Variants in AEBP1 observed in about 807,000 individuals in gnomAD.
AEBP1 encodes adipocyte enhancer-binding protein 1.
Under a neutral mutation model 116.5 loss-of-function variants are expected in AEBP1, and 69 were observed. The ratio of observed to expected loss-of-function variants is 0.59; its 90% CI spans 0.49 to 0.72. The LOEUF is 0.72. Among genes scored for constraint, AEBP1 ranks in the 30% least tolerant of loss-of-function variants. The probability of loss-of-function intolerance (pLI) is 0.00; values close to 1 mark genes in which losing one functional copy is unlikely to be tolerated. For synonymous variants in AEBP1, 627 were observed against 627.3 expected (o/e 1.00, Z 0.01); for missense variants, 1,444 against 1,557.5 (o/e 0.93, Z 1.23).
rs79538975 is a variant in AEBP1 at position 44,105,511 on chromosome 7, C to T, written c.253+593C>T. Among the ~76,000 whole-genome samples, 610 of 152,284 alleles carry T rather than the reference C, an allele frequency of 4.0e-3. 2 individuals are homozygous for T. Among genetic ancestry groups the T allele is most frequent in the African/African-American group, 0.014 (573 of 41,544 alleles). ...GTCAGTAAATCTTAGCTGTTTTCAT[C>T]GTGGCCCTCTGGAAGGTGGCAGAGG... On this transcript the variant is annotated intron_variant, in intron 1 of 20. Coordinates refer to ENST00000223357, the MANE Select transcript of AEBP1 (RefSeq NM_001129.5).
chr7:44,110,730 A>G lies in AEBP1; in HGVS notation c.1406A>G (p.Asp469Gly), dbSNP rs1380674144. The G allele has an allele frequency of 6.6e-7, 1 of 1,522,608 alleles. No homozygotes were observed. Among genetic ancestry groups the G allele is most frequent in the Non-Finnish European group, 8.8e-7 (1 of 1,134,354 alleles). The allele number at this position is 1,522,608 out of a possible 1,614,324, so 94.3% of individuals were successfully genotyped here. A position where few individuals can be genotyped will look rare whatever the true frequency, so the allele number is the denominator to read the frequency against. Reference protein sequence around the residue: ...TQGRDSSIHDDFVTTFFVGFS... With the variant: ...TQGRDSSIHDGFVTTFFVGFS... ...GACCACTGTCCACTCCACAGTGACG[A>G]TTTTGTGACCACCTTCTTCGTGGGC... The change falls in exon 12 of 21, where the codon GAT becomes GGT. Residue 469 changes from aspartate to glycine, a missense_variant. Physicochemically the swap from Asp to Gly is moderately conservative, Grantham distance 94. Transcript: ENST00000223357.
In AEBP1 at chr7:44,112,334, C is replaced by T. The variant is rs529584501; in HGVS notation, c.2217+13C>T. 1 of 1,533,536 alleles carries T rather than the reference C, an allele frequency of 6.5e-7. No homozygotes were observed. The highest frequency in any genetic ancestry group is 2.3e-5 in the East Asian group (1 of 44,018). 95.0% of individuals were successfully genotyped at this position (1,533,536 alleles called of 1,614,324 possible). A position where few individuals can be genotyped will look rare whatever the true frequency, so the allele number is the denominator to read the frequency against. ...GCCAGATGCCACGGTGAGGCTACAGCCTGGCTGAAAGGGCAGGAGGGAGCA... is the reference window on the plus strand; with the variant it reads ...GCCAGATGCCACGGTGAGGCTACAGTCTGGCTGAAAGGGCAGGAGGGAGCA... On this transcript the variant is annotated intron_variant, in intron 17 of 20. Coordinates refer to ENST00000223357, the MANE Select transcript of AEBP1 (RefSeq NM_001129.5). The surrounding 1 kb of genome is among the most constrained non-coding windows in gnomAD (Gnocchi z 6.6).
In AEBP1 at chr7:44,108,037, T is replaced by C; in HGVS notation, c.893T>C (p.Leu298Pro). ...EPPVKPLLPP[L>P]PPDYGDGYVI... ...CCTGTGAAGCCTCTGCTGCCCCCGC[T>C]GCCCCCTGACTATGGTGATGGTTAC... Residue 298 changes from leucine to proline, a missense_variant, in exon 6 of 21, where the codon CTG becomes CCG. Physicochemically the swap from Leu to Pro is moderately conservative, Grantham distance 98. Transcript: ENST00000223357. This position sits in a 1 kb window ranked among gnomAD's most constrained non-coding sequence, Gnocchi z 5.0. 1.3e-6 allele frequency: 2 copies of C among 1,597,646 alleles called. No individual in the cohort carries two copies. The highest frequency in any genetic ancestry group is 2.3e-5 in the South Asian group (2 of 88,634).
chr7:44,113,893 C>A lies in AEBP1; in HGVS notation c.3109C>A (p.Arg1037Ser), dbSNP rs756077372. ...LRLRAQMRLR[R>S]LNATTTLGPH... ...GCTTCGGGCACAGATGCGGCTGCGG[C>A]GCCTCAACGCCACCACCACCCTAGG... is the stretch of plus-strand genomic sequence containing the variant. The change falls in exon 21 of 21, where the codon CGC becomes AGC. Residue 1037 changes from arginine (R) to serine (S), a missense_variant. Arg to Ser is a moderately radical substitution (Grantham distance 110, BLOSUM62 -1). Transcript: ENST00000223357. This position sits in a 1 kb window ranked among gnomAD's most constrained non-coding sequence, Gnocchi z 5.3. 3 of 1,613,040 alleles carry A rather than the reference C, an allele frequency of 1.9e-6. No individual in the cohort carries two copies. In the Admixed American group the frequency reaches 5.0e-5, roughly 27 times the overall value.
In AEBP1 at chr7:44,112,800, C is replaced by T; in HGVS notation, c.2460C>T (p.Ala820=). Residue 820 remains alanine, a synonymous_variant, in exon 18 of 21, where the codon GCC becomes GCT. Transcript: ENST00000223357. This position sits in a 1 kb window ranked among gnomAD's most constrained non-coding sequence, Gnocchi z 6.6. ...TCCGGTGGCTTGCCATCTCCTTCGC[C>T]TCCGCACACCTCACCTTGACCGAGC... ...AIFRWLAISF[A]SAHLTLTEPY... is the part of the protein sequence containing the mutation. 1 of 1,612,436 alleles carries T rather than the reference C, an allele frequency of 6.2e-7. No homozygotes were observed. The highest frequency in any genetic ancestry group is 8.5e-7 in the Non-Finnish European group (1 of 1,179,950).
In AEBP1 at chr7:44,107,901, G is replaced by T. The variant is rs750822533; in HGVS notation, c.832G>T (p.Ala278Ser). The T allele has an allele frequency of 1.9e-6, 3 of 1,595,630 alleles. No homozygotes were observed. Among genetic ancestry groups the T allele is most frequent in the African/African-American group, 2.7e-5 (2 of 74,254 alleles). ...RVWPEPPEEK[A>S]PAPAPEERIE... ...CTGGCCAGAGCCCCCTGAGGAGAAG[G>T]CCCCGGCCCCAGCCCCGGAGGAGAG... is the stretch of plus-strand genomic sequence containing the variant. Residue 278 changes from alanine to serine, a missense_variant, in exon 5 of 21, where the codon GCC becomes TCC. Physicochemically the swap from Ala to Ser is moderately conservative, Grantham distance 99 (BLOSUM62 1). Coordinates refer to ENST00000223357, the MANE Select transcript of AEBP1 (RefSeq NM_001129.5). The surrounding 1 kb of genome is among the most constrained non-coding windows in gnomAD (Gnocchi z 4.3).
Position 44,112,883 on chromosome 7 carries a change from G to A in AEBP1, c.2543G>A (p.Gly848Glu), listed in dbSNP as rs1488871917. 1 of 1,612,128 alleles carries A rather than the reference G, an allele frequency of 6.2e-7. No individual in the cohort carries two copies. The highest frequency in any genetic ancestry group is 8.5e-7 in the Non-Finnish European group (1 of 1,179,090). Residue 848 changes from glycine (G) to glutamate (E), a missense_variant, in exon 18 of 21, where the codon GGG becomes GAG. Coordinates refer to ENST00000223357, the MANE Select transcript of AEBP1 (RefSeq NM_001129.5). The surrounding 1 kb of genome is among the most constrained non-coding windows in gnomAD (Gnocchi z 6.6). ...ACCGGCGGCATGGGCATCGTCAACG[G>A]GGCCAAGTGGAACCCCCGGACCGGG... ...DYTGGMGIVNGAKWNPRTGTI... is the reference protein window; with the variant it reads ...DYTGGMGIVNEAKWNPRTGTI...
chr7:44,110,714 C>G lies in AEBP1; in HGVS notation c.1401-11C>G. Reference sequence around the variant, plus strand: ...GGAAGACCCTTGCTCTGACCACTGTCCACTCCACAGTGACGATTTTGTGAC... The same window carrying G: ...GGAAGACCCTTGCTCTGACCACTGTGCACTCCACAGTGACGATTTTGTGAC... On this transcript the variant is annotated splice_polypyrimidine_tract_variant and intron_variant, in intron 11 of 20. Coordinates refer to ENST00000223357, the MANE Select transcript of AEBP1 (RefSeq NM_001129.5). 1 of 1,519,250 alleles carries G rather than the reference C, an allele frequency of 6.6e-7. No homozygotes were observed. The highest frequency in any genetic ancestry group is 2.3e-5 in the East Asian group (1 of 43,970). The allele number at this position is 1,519,250 out of a possible 1,614,324, so 94.1% of individuals were successfully genotyped here.
chr7:44,104,437 C>A lies in AEBP1; in HGVS notation c.-229C>A. The A allele has an allele frequency of 2.5e-6, 1 of 399,592 alleles. No individual in the cohort carries two copies. The highest frequency in any genetic ancestry group is 4.4e-6 in the Non-Finnish European group (1 of 227,966). The allele number at this position is 399,592 out of a possible 1,614,324, so 24.8% of individuals were successfully genotyped here. A position where few individuals can be genotyped will look rare whatever the true frequency, so the allele number is the denominator to read the frequency against. On this transcript the variant is annotated 5_prime_UTR_variant, in exon 1 of 21. Transcript: ENST00000223357. ...CCAGGACCTCGGAGCGCCCCGACCA[C>A]CCCTGAGCCCCTCTGGCTTCGGAGC...
Position 44,104,485 on chromosome 7 carries a change from C to G in AEBP1, c.-181C>G. The G allele has an allele frequency of 2.1e-6, 1 of 465,764 alleles. No individual in the cohort carries two copies. 28.9% of individuals were successfully genotyped at this position (465,764 alleles called of 1,614,324 possible). A position where few individuals can be genotyped will look rare whatever the true frequency, so the allele number is the denominator to read the frequency against. On this transcript the variant is annotated 5_prime_UTR_variant, in exon 1 of 21. Coordinates refer to ENST00000223357, the MANE Select transcript of AEBP1 (RefSeq NM_001129.5). The stretch of plus-strand genomic sequence containing the variant: ...AGCCCCCCAGCACCCCTTCCCGGGT[C>G]CCCTCGCCCACCCTAATCCACTCTC...
Position 44,107,985 on chromosome 7 carries a change from C to T in AEBP1, c.863-22C>T. ...CATGGCCACGGCGCTCTGGCCCCCT[C>T]CTAACCTCCCCGCCTCCCCAGAGCC... is the stretch of plus-strand genomic sequence containing the variant. On this transcript the variant is annotated intron_variant, in intron 5 of 20. Coordinates refer to ENST00000223357, the MANE Select transcript of AEBP1 (RefSeq NM_001129.5). The surrounding 1 kb of genome is among the most constrained non-coding windows in gnomAD (Gnocchi z 4.3). The T allele has an allele frequency of 1.3e-6, 2 of 1,571,846 alleles. No individual in the cohort carries two copies. The highest frequency in any genetic ancestry group is 1.7e-6 in the Non-Finnish European group (2 of 1,160,112).
At chr7:44,106,124 T>A (rs1190891886) in intron 1 of AEBP1, 1 of 463,910 alleles carries the variant, frequency 2.2e-6, no homozygotes, top group South Asian at 1.5e-5. Flanking sequence ...CTTGGGCCCA[T>A]GTCCCTTCCT....
chr7:44,110,676 G>A (rs1205234106), intron 11 of AEBP1, 49 bp from the exon 12 acceptor site: 1 of 1,454,582 alleles, frequency 6.9e-7, no homozygotes, highest in Non-Finnish European at 9.3e-7. Context: ...GGCCACCTGA[G>A]GGCCTGGGAG....
At position 44,111,563 on chromosome 7, in the gene AEBP1, C is replaced by T; in HGVS notation, c.1773C>T (p.Gly591=). 6.2e-7 allele frequency: 1 copy of T among 1,612,466 alleles called. No homozygotes were observed. The highest frequency in any genetic ancestry group is 8.5e-7 in the Non-Finnish European group (1 of 1,179,374). The change falls in exon 15 of 21, where the codon GGC becomes GGT. Residue 591 remains glycine (G), a synonymous_variant. Transcript: ENST00000223357. The surrounding 1 kb of genome is among the most constrained non-coding windows in gnomAD (Gnocchi z 4.7). ...CCATCACCCGCACTTACAGCCTGGG[C>T]AAGAGCTCACGAGGCCTCAAGATCT... ...CPTITRTYSL[G]KSSRGLKIYA...
In AEBP1 at chr7:44,113,922, C is replaced by T; in HGVS notation, c.3138C>T (p.Pro1046=). Residue 1046 remains proline, a synonymous_variant, in exon 21 of 21, where the codon CCC becomes CCT. Transcript: ENST00000223357. The surrounding 1 kb of genome is among the most constrained non-coding windows in gnomAD (Gnocchi z 5.3). ...RRLNATTTLG[P]HTVPPTLPPA... is the part of the protein sequence containing the mutation. ...TCAACGCCACCACCACCCTAGGCCC[C>T]CACACTGTGCCTCCCACGCTGCCCC... The T allele has an allele frequency of 6.2e-7, 1 of 1,613,648 alleles. No homozygotes were observed. The highest frequency in any genetic ancestry group is 8.5e-7 in the Non-Finnish European group (1 of 1,179,986).
intron 2 of AEBP1, 86 bp downstream of exon 2, chr7:44,106,973 C>T: frequency 1.9e-6 from 2 of 1,059,776 alleles, no homozygotes; most frequent in South Asian, 1.7e-5. Flanking sequence ...TTCTGGGGCC[C>T]TGCTTCCTAT....
Position 44,114,315 on chromosome 7 carries a change from C to T in AEBP1, c.*54C>T, listed in dbSNP as rs1371831585. On this transcript the variant is annotated 3_prime_UTR_variant, in exon 21 of 21. Coordinates refer to ENST00000223357, the MANE Select transcript of AEBP1 (RefSeq NM_001129.5). Reference sequence around the variant, plus strand: ...AACTCAAGCTACAGCAGCAGCACTTCCCAAGCCTGCTGACCACAGTCACAT... The same window carrying T: ...AACTCAAGCTACAGCAGCAGCACTTTCCAAGCCTGCTGACCACAGTCACAT... 9.5e-6 allele frequency: 15 copies of T among 1,580,588 alleles called. No individual in the cohort carries two copies. The Admixed American group carries it at 2.4e-4, about 25-fold the overall frequency.
At position 44,104,938 on chromosome 7, in the gene AEBP1, CG is replaced by C. The variant is rs2096221461; in HGVS notation, c.253+25del. On this transcript the variant is annotated intron_variant, in intron 1 of 20. Transcript: ENST00000223357. ...CAGAAGGTAAGAGCCCAGGGCAGGG[CG>C]GGGGTGTGGGGGGCTGGCATCTCAG... is the stretch of plus-strand genomic sequence containing the variant. The C allele has an allele frequency of 2.2e-6, 3 of 1,391,166 alleles. No homozygotes were observed. The allele number at this position is 1,391,166 out of a possible 1,614,324, so 86.2% of individuals were successfully genotyped here.
At chr7:44,110,393 T>C in intron 11 of AEBP1, 47 bp downstream of exon 11, 1 of 1,611,874 alleles carries the variant, frequency 6.2e-7, no homozygotes, top group Non-Finnish European at 8.5e-7. Context: ...AGTGGCTACA[T>C]AGGCATGGCT....
Sources: allele counts gnomAD v4.1 joint callset (sites outside exome capture counted in the v4.1 genomes callset), GRCh38; gene constraint gnomAD v4.1.1; non-coding constraint Gnocchi (gnomAD v3.1); transcripts MANE v1.5; gene names NCBI Gene and HGNC (gene_info 2026-07-23, HGNC 2026-07-21).